Variants in LRPPRC observed in about 807,000 individuals in gnomAD.
LRPPRC encodes the protein leucine rich pentatricopeptide repeat containing.
In LRPPRC, 120 loss-of-function variants were observed where a neutral mutation model predicts 180.3. The observed-to-expected ratio is 0.67, with a 90% confidence interval of 0.57 to 0.77. LRPPRC has a LOEUF of 0.77. Ranked by LOEUF, LRPPRC falls within the 30% of genes least tolerant of loss-of-function variation. The probability of loss-of-function intolerance (pLI) is 0.00; values close to 1 mark genes in which losing one functional copy is unlikely to be tolerated. For missense variants in LRPPRC, 2,012 were observed against 1,657.2 expected (o/e 1.21, Z -3.72); for synonymous variants, 723 against 600.0 (o/e 1.21, Z -3.00).
At position 43,949,604 on chromosome 2, in the gene LRPPRC, G is replaced by A. The variant is rs74358992; in HGVS notation, c.1733C>T (p.Thr578Met). Reference protein sequence around the residue: ...GRYCQEPRGPTEAVGYFLYNL... With the variant: ...GRYCQEPRGPMEAVGYFLYNL... ...AATCATCGAAATTGAAACGCTACCC[G>A]TCGGTCCTCGAGGCTCCTGGCAATA... The change falls in exon 16 of 38, where the codon ACG becomes ATG. Residue 578 changes from threonine (T) to methionine (M), a missense_variant and splice_region_variant. Transcript: ENST00000260665. 5.8e-5 allele frequency: 93 copies of A among 1,612,950 alleles called. No homozygotes were observed. The highest frequency in any genetic ancestry group is 7.1e-5 in the Non-Finnish European group (84 of 1,179,166).
At chr2:43,991,093 G>C (rs1479736990) in intron 1 of LRPPRC, among the ~76,000 whole-genome samples, 2 of 149,872 alleles carry the variant, frequency 1.3e-5, no homozygotes, top group Admixed American at 1.3e-4. Flanking sequence ...GCAGTGGCCT[G>C]ATCTCTGCTC....
At chr2:43,973,945 C>T (rs1004595027) in intron 9 of LRPPRC, 45 bp from the exon 10 acceptor site, 1 of 1,230,068 alleles carries the variant, frequency 8.1e-7, no homozygotes, top group African/African-American at 1.5e-5. Context: ...GCAAACACCC[C>T]ACCGTTTGAC....
chr2:43,947,689 T>A, intron 19 of LRPPRC, 42 bp downstream of exon 19: 1 of 1,092,212 alleles, frequency 9.2e-7, no homozygotes, highest in Non-Finnish European at 1.4e-6. Flanking sequence ...TCATTAAATA[T>A]GGGTATTATA....
chr2:43,946,612 TTC>T (rs1362926524), intron 20 of LRPPRC, among the ~76,000 whole-genome samples: 1 of 152,102 alleles, frequency 6.6e-6, no homozygotes, highest in Non-Finnish European at 1.5e-5. Context: ...ATTGAAAAGT[TTC>T]TCAGTCTAGT....
rs183192489 is a variant in LRPPRC at position 43,935,822 on chromosome 2, A to C, written c.2505-944T>G. Among the ~76,000 whole-genome samples, 196 of 152,280 alleles carry C rather than the reference A, an allele frequency of 1.3e-3. 3 individuals carry two copies. Among genetic ancestry groups the C allele is most frequent in the Admixed American group, 0.013 (193 of 15,304 alleles). ...AATGTTAGTATGAGAAATATTTAAG[A>C]CCTTGCAAGACCAGGTGCGGTGGCT... is the stretch of plus-strand genomic sequence containing the variant. On this transcript the variant is annotated intron_variant, in intron 23 of 37. Coordinates refer to ENST00000260665, the MANE Select transcript of LRPPRC (RefSeq NM_133259.4).
At chr2:43,991,216 G>A (rs538072874) in intron 1 of LRPPRC, among the ~76,000 whole-genome samples, 137 of 152,020 alleles carry the variant, frequency 9.0e-4, no homozygotes, top group South Asian at 1.5e-3. Context: ...TTTTTAGTAA[G>A]AGACAGAATT....
chr2:43,912,001 A>G lies in LRPPRC; in HGVS notation c.3275+431T>C, dbSNP rs554427152. ...TCATACGGAAGAAGAACTAAGGATC[A>G]GAGATAGCAGGTAATTTTCCCAAGG... On this transcript the variant is annotated intron_variant, in intron 30 of 37. Transcript: ENST00000260665. 9.6e-4 allele frequency among the ~76,000 whole-genome samples: 146 copies of G among 152,298 alleles called. 2 individuals are homozygous for G. Among genetic ancestry groups the G allele is most frequent in the African/African-American group, 3.5e-3 (146 of 41,562 alleles).
chr2:43,899,674 G>A (rs1670817785), intron 32 of LRPPRC, 69 bp from the exon 33 acceptor site: 1 of 1,036,990 alleles, frequency 9.6e-7, no homozygotes, highest in East Asian at 2.5e-5. Context: ...TTTAGTCTAA[G>A]AACTTACTTT....
chr2:43,917,892 G>C, intron 29 of LRPPRC, 133 bp downstream of exon 29: 2 of 653,806 alleles, frequency 3.1e-6, no homozygotes, highest in Non-Finnish European at 5.4e-6. Context: ...GTATGGAAGG[G>C]GACAAGAAAT....
At chr2:43,948,876 A>G (rs1672794311) in intron 16 of LRPPRC, among the ~76,000 whole-genome samples, 1 of 151,714 alleles carries the variant, frequency 6.6e-6, no homozygotes, top group Non-Finnish European at 1.5e-5. Context: ...ACACATTTCT[A>G]TACTGTTTTT....
At chr2:43,948,744 C>T (rs1439774043) in intron 16 of LRPPRC, among the ~76,000 whole-genome samples, 1 of 152,126 alleles carries the variant, frequency 6.6e-6, no homozygotes, top group African/African-American at 2.4e-5. Context: ...GACAGCTTTT[C>T]AGTACTGAAT....
intron 27 of LRPPRC, among the ~76,000 whole-genome samples, chr2:43,918,782 TATATATATAG>T (rs1427599322): frequency 5.6e-5 from 2 of 35,452 alleles, no homozygotes; most frequent in African/African-American, 5.7e-4. Context: ...TGGAAATATA[TATATATATAG>T]ATATATATAT....
At chr2:43,981,398 C>T (rs1674300765) in intron 2 of LRPPRC, among the ~76,000 whole-genome samples, 2 of 152,138 alleles carry the variant, frequency 1.3e-5, no homozygotes, top group Non-Finnish European at 1.5e-5. Flanking sequence ...TGGTGGCCCA[C>T]GTCTGTAATC....
chr2:43,969,241 T>C (rs940192563), intron 11 of LRPPRC, among the ~76,000 whole-genome samples: 2 of 151,838 alleles, frequency 1.3e-5, no homozygotes, highest in Admixed American at 1.3e-4. Context: ...TGAAACCCCG[T>C]CTCTACTAAA....
At chr2:43,958,943 T>G (rs970451312) in intron 13 of LRPPRC, 3 of 360,836 alleles carry the variant, frequency 8.3e-6, no homozygotes, top group Non-Finnish European at 1.5e-5. Flanking sequence ...AACAACCTCT[T>G]GAAAATTCAT....
chr2:43,973,823 G>C lies in LRPPRC; in HGVS notation c.1233C>G (p.Leu411=), dbSNP rs1336311187. Residue 411 remains leucine (L), a synonymous_variant, in exon 10 of 38, where the codon CTC becomes CTG. Coordinates refer to ENST00000260665, the MANE Select transcript of LRPPRC (RefSeq NM_133259.4). ...QMHSFPLQFT[L]HCALLANKTD... is the part of the protein sequence containing the mutation. ...TTTTATTGGCGAGTAAAGCACAATG[G>C]AGGGTGAACTGCAGAGGAAAGGAGT... 6.2e-6 allele frequency: 10 copies of C among 1,613,744 alleles called. No homozygotes were observed. Among genetic ancestry groups the C allele is most frequent in the African/African-American group, 1.3e-5 (1 of 74,908 alleles).
chr2:43,949,888 T>C (rs886747995), intron 15 of LRPPRC, among the ~76,000 whole-genome samples: 1 of 152,242 alleles, frequency 6.6e-6, no homozygotes, highest in Non-Finnish European at 1.5e-5. Context: ...CTGCAATGTT[T>C]TGTGAAATGT....
At chr2:43,986,779 G>A (rs76153048) in intron 1 of LRPPRC, among the ~76,000 whole-genome samples, 1 of 152,202 alleles carries the variant, frequency 6.6e-6, no homozygotes, top group Non-Finnish European at 1.5e-5. Flanking sequence ...GCTGCAATTG[G>A]GTGTTCACAC....
chr2:43,978,088 G>T (rs1674139246), intron 3 of LRPPRC, among the ~76,000 whole-genome samples: 1 of 152,034 alleles, frequency 6.6e-6, no homozygotes, highest in Admixed American at 6.6e-5. Context: ...CAGGCACTAT[G>T]CTAAGTGTTC....
Sources: allele counts gnomAD v4.1 joint callset (sites outside exome capture counted in the v4.1 genomes callset), GRCh38; gene constraint gnomAD v4.1.1; transcripts MANE v1.5; gene names NCBI Gene and HGNC (gene_info 2026-07-23, HGNC 2026-07-21).